The following ACSM2A variants were observed in gnomAD, a reference collection of about 807,000 sequenced individuals.
ACSM2A encodes acyl-coenzyme A synthetase ACSM2A, mitochondrial.
In ACSM2A, 72 loss-of-function variants were observed where a neutral mutation model predicts 76.6. The ratio of observed to expected loss-of-function variants is 0.94; its 90% CI spans 0.78 to 1.14. The LOEUF is 1.14. Ranked by LOEUF, ACSM2A falls within the 50% of genes most tolerant of loss-of-function variation. ACSM2A has a pLI of 0.00. For missense variants in ACSM2A, 684 were observed against 708.5 expected (o/e 0.97, Z 0.39); for synonymous variants, 249 against 255.9 (o/e 0.97, Z 0.26).
intron 3 of ACSM2A, among the ~76,000 whole-genome samples, chr16:20,469,264 A>T (rs1910805): frequency 1.3e-5 from 2 of 152,150 alleles, no homozygotes; most frequent in African/African-American, 4.8e-5. Context: ...ACTATCAACA[A>T]TGTGACATTA....
chr16:20,461,694 T>A (rs1407750208), intron 2 of ACSM2A, among the ~76,000 whole-genome samples: 1 of 152,182 alleles, frequency 6.6e-6, no homozygotes, highest in Non-Finnish European at 1.5e-5. Flanking sequence ...CCATTAAATA[T>A]AAAAATTTCT....
intron 3 of ACSM2A, among the ~76,000 whole-genome samples, chr16:20,466,204 C>G (rs189297030): frequency 0.011 from 1,676 of 152,162 alleles, 19 homozygotes; most frequent in Non-Finnish European, 0.015. Flanking sequence ...GTCTTATCCA[C>G]AAAACCTAAA....
chr16:20,470,678 C>A (rs1297329764), intron 4 of ACSM2A: 3 of 388,118 alleles, frequency 7.7e-6, no homozygotes, highest in South Asian at 3.9e-5. Context: ...TTAATTCCAC[C>A]CCTCCTGTCC....
At chr16:20,471,434 C>A (rs1410549737) in intron 5 of ACSM2A, 102 bp from the exon 6 acceptor site, 8 of 1,514,564 alleles carry the variant, frequency 5.3e-6, no homozygotes, top group African/African-American at 1.4e-5. Flanking sequence ...TACACACACA[C>A]CTCTGCACAC....
At chr16:20,470,348 G>A (rs1047754571) in intron 4 of ACSM2A, among the ~76,000 whole-genome samples, 1 of 152,106 alleles carries the variant, frequency 6.6e-6, no homozygotes, top group African/African-American at 2.4e-5. Flanking sequence ...CAAGGGCAGA[G>A]GACTTTCCAT....
intron 13 of ACSM2A, among the ~76,000 whole-genome samples, chr16:20,484,998 G>A (rs989624334): frequency 5.9e-5 from 9 of 152,154 alleles, no homozygotes; most frequent in South Asian, 4.2e-4. Flanking sequence ...TGGGTTCAAC[G>A]TTCACCTCCA....
At chr16:20,474,577 C>T (rs1567369819) in intron 6 of ACSM2A, among the ~76,000 whole-genome samples, 1 of 152,194 alleles carries the variant, frequency 6.6e-6, no homozygotes, top group East Asian at 1.9e-4. Flanking sequence ...TACTCAGTTA[C>T]AGCAAAAGAA....
chr16:20,452,932 G>A (rs1373821697), intron 1 of ACSM2A, among the ~76,000 whole-genome samples: 1 of 152,066 alleles, frequency 6.6e-6, no homozygotes, highest in Non-Finnish European at 1.5e-5. Context: ...GACCATATGT[G>A]GAGAACCAAG....
At position 20,476,672 on chromosome 16, in the gene ACSM2A, A is replaced by G. The variant is rs367715965; in HGVS notation, c.1099-697A>G. On this transcript the variant is annotated intron_variant, in intron 8 of 13. Transcript: ENST00000573854. Reference sequence around the variant, plus strand: ...CCTCTCTTCTGAGGTGGGTGGATAAACTTGCCCTTTCCAGCACAGTGGGTG... The same window carrying G: ...CCTCTCTTCTGAGGTGGGTGGATAAGCTTGCCCTTTCCAGCACAGTGGGTG... The G allele has an allele frequency of 1.4e-5, 14 of 987,952 alleles. No homozygotes were observed. In the African/African-American group the frequency reaches 2.1e-4, roughly 15 times the overall value. 61.2% of individuals were successfully genotyped at this position (987,952 alleles called of 1,614,324 possible).
chr16:20,463,402 G>A lies in ACSM2A; in HGVS notation c.178-2115G>A, dbSNP rs1445244742. ...TGTAATCCACAGAGTTGGAGGTAGGGCCTGGTGGAAGACATTTGGATCATA... is the reference window on the plus strand; with the variant it reads ...TGTAATCCACAGAGTTGGAGGTAGGACCTGGTGGAAGACATTTGGATCATA... On this transcript the variant is annotated intron_variant, in intron 2 of 13. Transcript: ENST00000573854. 2.6e-5 allele frequency among the ~76,000 whole-genome samples: 4 copies of A among 151,306 alleles called. No individual in the cohort carries two copies. The East Asian group carries it at 7.8e-4, about 29-fold the overall frequency.
intron 2 of ACSM2A, among the ~76,000 whole-genome samples, chr16:20,461,057 G>A (rs2012590704): frequency 2.1e-5 from 3 of 142,302 alleles, no homozygotes; most frequent in Non-Finnish European, 4.5e-5. Flanking sequence ...ATTCACTGCT[G>A]ATCCATCAAT....
chr16:20,485,978 G>A (rs1434803480), intron 13 of ACSM2A, among the ~76,000 whole-genome samples: 1 of 152,178 alleles, frequency 6.6e-6, no homozygotes, highest in Non-Finnish European at 1.5e-5. Context: ...ATCAAATAGT[G>A]AAATTGGAGA....
At chr16:20,479,814 G>A (rs890647288) in intron 10 of ACSM2A, among the ~76,000 whole-genome samples, 3 of 152,198 alleles carry the variant, frequency 2.0e-5, no homozygotes, top group African/African-American at 7.2e-5. Flanking sequence ...CCATGAGAAA[G>A]TCAATCCAGT....
At position 20,471,605 on chromosome 16, in the gene ACSM2A, G is replaced by A. The variant is rs147894332; in HGVS notation, c.810G>A (p.Leu270=). ...ACACAGGTTGGATACTGAACATCTTGTGCTCACTTATGGAACCTTGGGCAT... is the reference window on the plus strand; with the variant it reads ...ACACAGGTTGGATACTGAACATCTTATGCTCACTTATGGAACCTTGGGCAT... ...ISDTGWILNI[L]CSLMEPWALG... Residue 270 remains leucine, a synonymous_variant, in exon 6 of 14, where the codon TTG becomes TTA. Transcript: ENST00000573854. 3.1e-6 allele frequency: 5 copies of A among 1,613,926 alleles called. No homozygotes were observed. The highest frequency in any genetic ancestry group is 4.5e-5 in the East Asian group (2 of 44,892).
In ACSM2A at chr16:20,471,651, C is replaced by T. The variant is rs375879225; in HGVS notation, c.856C>T (p.His286Tyr). Residue 286 changes from histidine to tyrosine, a missense_variant, in exon 6 of 14, where the codon CAT (histidine) becomes TAT (tyrosine). Physicochemically the swap from His to Tyr is moderately conservative, Grantham distance 83. Transcript: ENST00000573854. The stretch of plus-strand genomic sequence containing the variant: ...GGCATTAGGAGCATGCACATTTGTT[C>T]ATCTCTTGCCAAAGTTTGACCCACT... Reference protein sequence around the residue: ...PWALGACTFVHLLPKFDPLVI... With the variant: ...PWALGACTFVYLLPKFDPLVI... 3.7e-6 allele frequency: 6 copies of T among 1,613,820 alleles called. No individual in the cohort carries two copies. Among genetic ancestry groups the T allele is most frequent in the Non-Finnish European group, 5.1e-6 (6 of 1,179,866 alleles).
chr16:20,482,961 T>C lies in ACSM2A; in HGVS notation c.1510-97T>C, dbSNP rs2014171365. The C allele has an allele frequency of 4.5e-6, 7 of 1,546,504 alleles. No individual in the cohort carries two copies. The South Asian group carries it at 7.2e-5, about 16-fold the overall frequency. The stretch of plus-strand genomic sequence containing the variant: ...ATCACCGGGGGTGCAAATGAGGAGA[T>C]ACAAGGGTGATGGAAGTCTTAATGC... On this transcript the variant is annotated intron_variant, in intron 12 of 13. Transcript: ENST00000573854.
intron 2 of ACSM2A, among the ~76,000 whole-genome samples, chr16:20,462,222 G>A (rs2012665198): frequency 6.6e-6 from 1 of 152,062 alleles, no homozygotes; most frequent in Admixed American, 6.5e-5. Context: ...AGCAAGCTAG[G>A]GAACAATGGC....
intron 13 of ACSM2A, among the ~76,000 whole-genome samples, chr16:20,483,569 C>CAAAAAAAAAAAAAAAA (rs60606533): frequency 9.3e-5 from 3 of 32,208 alleles, no homozygotes; most frequent in African/African-American, 1.7e-4. Context: ...GACTCTGTCT[C>CAAAAAAAAAAAAAAAA]AAAAAAAAAA....
chr16:20,475,773 G>C lies in ACSM2A; in HGVS notation c.1098G>C (p.Thr366=), dbSNP rs759143815. ...DIRESYGQTE[T]GLTCMVSKTM... ...GAGAATCCTATGGCCAGACAGAAAC[G>C]GTACCTGTTCCCAGGGGAACCATGG... The change falls in exon 8 of 14, where the codon ACG becomes ACC. Residue 366 remains threonine (T), a splice_region_variant and synonymous_variant. Transcript: ENST00000573854. 1.2e-6 allele frequency: 2 copies of C among 1,613,702 alleles called. No individual in the cohort carries two copies. Among genetic ancestry groups the C allele is most frequent in the East Asian group, 4.5e-5 (2 of 44,898 alleles).
Sources: gnomAD v4.1 joint callset for allele counts (sites outside exome capture counted in the v4.1 genomes callset) on GRCh38, gnomAD v4.1.1 for gene constraint, MANE v1.5 for transcripts, NCBI Gene and HGNC (gene_info 2026-07-23, HGNC 2026-07-21) for gene names.